Variants in FOXJ3 observed in about 807,000 individuals in gnomAD.
FOXJ3 encodes the protein forkhead box J3.
FOXJ3 carries 22 observed loss-of-function variants against 76.1 expected under a neutral mutation model. That is an observed-to-expected ratio of 0.29 (90% CI 0.21 to 0.41). The LOEUF (loss-of-function observed/expected upper bound fraction) is 0.41. Among genes scored for constraint, FOXJ3 ranks in the 10% least tolerant of loss-of-function variants. The probability of loss-of-function intolerance (pLI) is 1.00; values close to 1 mark genes in which losing one functional copy is unlikely to be tolerated. For missense variants in FOXJ3, 613 were observed against 762.1 expected, an observed-to-expected ratio of 0.80 and a Z score of 2.30; for synonymous variants, 269 against 261.2, an observed-to-expected ratio of 1.03 and a Z score of -0.29.
At chr1:42,211,707 A>G (rs1306638649) in intron 5 of FOXJ3, among the ~76,000 whole-genome samples, 1 of 152,194 alleles carries the variant, frequency 6.6e-6, no homozygotes, top group Non-Finnish European at 1.5e-5. Context: ...TTCCAGCTCC[A>G]CTGGAGATAG....
rs560012121 is a variant in FOXJ3, at chr1:42,190,061, G to A, written c.1352-657C>T. Among the ~76,000 whole-genome samples, 42 of 152,308 alleles carry A rather than the reference G, an allele frequency of 2.8e-4. No individual in the cohort carries two copies. In the East Asian group the frequency reaches 7.3e-3, roughly 27 times the overall value. On this transcript the variant is annotated intron_variant, in intron 9 of 12. Transcript: ENST00000361346. ...GAAATGCTGATGAATCCACGTCAGGGCATTTTTAGTCAGAAATGGTATCCT... is the reference window on the plus strand; with the variant it reads ...GAAATGCTGATGAATCCACGTCAGGACATTTTTAGTCAGAAATGGTATCCT...
rs766315674 is a variant in FOXJ3, at chr1:42,207,867, T to C, written c.529-2004A>G. ...AGAGCAAGGTGAAATAGAAGAGCTA[T>C]AAAAATAACTCTTATTTATGCCTCA... On this transcript the variant is annotated intron_variant, in intron 5 of 12. Transcript: ENST00000361346. Among the ~76,000 whole-genome samples the C allele has an allele frequency of 2.3e-4, 35 of 152,186 alleles. 1 individual carries two copies. The highest frequency in any genetic ancestry group is 4.1e-4 in the Non-Finnish European group (28 of 68,016).
At chr1:42,212,968 A>AAC (rs1646994018) in intron 5 of FOXJ3, among the ~76,000 whole-genome samples, 1 of 143,514 alleles carries the variant, frequency 7.0e-6, no homozygotes, top group Non-Finnish European at 1.5e-5. Flanking sequence ...AAAAAAAAAA[A>AAC]AAACAAAAAA....
In FOXJ3 at chr1:42,287,473, C is replaced by T. The variant is rs117156605; in HGVS notation, c.45-8801G>A. On this transcript the variant is annotated intron_variant, in intron 2 of 12. Coordinates refer to ENST00000361346, the MANE Select transcript of FOXJ3 (RefSeq NM_014947.5). ...ATAATGACTGTAACATATTCTACAA[C>T]AGTAACACTATTTGGGTTCCTTCTT... Among the ~76,000 whole-genome samples the T allele has an allele frequency of 1.1e-3, 161 of 152,302 alleles. 1 individual carries two copies. In the East Asian group the frequency reaches 0.03, roughly 28 times the overall value.
At chr1:42,247,483 A>G (rs1426286787) in intron 4 of FOXJ3, among the ~76,000 whole-genome samples, 1 of 152,186 alleles carries the variant, frequency 6.6e-6, no homozygotes, top group African/African-American at 2.4e-5. Flanking sequence ...CTAAATAAAC[A>G]TTTCTCCAAA....
chr1:42,251,892 T>C (rs1650109775), intron 4 of FOXJ3, among the ~76,000 whole-genome samples: 1 of 151,882 alleles, frequency 6.6e-6, no homozygotes, highest in South Asian at 2.1e-4. Flanking sequence ...CTAATTTTTG[T>C]ATTTTTAGTA....
chr1:42,305,279 G>C (rs979665779), intron 2 of FOXJ3, among the ~76,000 whole-genome samples: 1 of 152,088 alleles, frequency 6.6e-6, no homozygotes, highest in Admixed American at 6.5e-5. Context: ...GGGAACACTG[G>C]ATTTTGTACA....
intron 4 of FOXJ3, among the ~76,000 whole-genome samples, chr1:42,255,832 C>G (rs1557678492): frequency 6.6e-6 from 1 of 152,056 alleles, no homozygotes. Context: ...ACCAGCCTGG[C>G]CAATATAGTG....
chr1:42,200,207 G>GT (rs1646735876), intron 6 of FOXJ3, among the ~76,000 whole-genome samples: 1 of 152,022 alleles, frequency 6.6e-6, no homozygotes, highest in South Asian at 2.1e-4. Flanking sequence ...CATCATGCAC[G>GT]TAAGTCATTA....
At chr1:42,204,421 C>T (rs187813999) in intron 6 of FOXJ3, among the ~76,000 whole-genome samples, 29 of 152,212 alleles carry the variant, frequency 1.9e-4, no homozygotes, top group African/African-American at 7.0e-4. Flanking sequence ...CTTTGACATC[C>T]ACATTATTTG....
intron 4 of FOXJ3, among the ~76,000 whole-genome samples, chr1:42,233,968 C>T (rs941502707): frequency 1.6e-4 from 25 of 152,114 alleles, no homozygotes; most frequent in African/African-American, 5.1e-4. Context: ...AGATATGTAC[C>T]ATCAATACCT....
At chr1:42,192,785 TATCA>T (rs1646576739) in intron 8 of FOXJ3, among the ~76,000 whole-genome samples, 2 of 151,056 alleles carry the variant, frequency 1.3e-5, no homozygotes, top group Middle Eastern at 3.4e-3. Flanking sequence ...CACAAGATAA[TATCA>T]ATCAATAAAA....
chr1:42,228,250 A>G (rs140196678), intron 4 of FOXJ3, among the ~76,000 whole-genome samples: 227 of 152,336 alleles, frequency 1.5e-3, no homozygotes, highest in African/African-American at 5.2e-3. Context: ...CATTTTTTAT[A>G]GTAATTCTCA....
intron 2 of FOXJ3, among the ~76,000 whole-genome samples, chr1:42,291,397 T>C (rs1653429476): frequency 6.6e-6 from 1 of 152,230 alleles, no homozygotes; most frequent in African/African-American, 2.4e-5. Context: ...AACTGGACTT[T>C]ATCAAAATTT....
At chr1:42,262,695 A>G (rs1651140154) in intron 4 of FOXJ3, among the ~76,000 whole-genome samples, 5 of 152,152 alleles carry the variant, frequency 3.3e-5, no homozygotes, top group Admixed American at 6.5e-5. Context: ...CTAAAAATAC[A>G]AAAGTTAGCC....
intron 6 of FOXJ3, among the ~76,000 whole-genome samples, chr1:42,199,911 A>G (rs1366853912): frequency 6.6e-6 from 1 of 151,516 alleles, no homozygotes; most frequent in Non-Finnish European, 1.5e-5. Flanking sequence ...AACAAACAAA[A>G]AAAGGTATTT....
chr1:42,178,639 G>C lies in FOXJ3; in HGVS notation c.*1071C>G, dbSNP rs1448842142. 1 of 152,174 alleles carries C rather than the reference G, an allele frequency of 6.6e-6. No individual in the cohort carries two copies. The highest frequency in any genetic ancestry group is 1.5e-5 in the Non-Finnish European group (1 of 68,050). 9.4% of individuals were successfully genotyped at this position (152,174 alleles called of 1,614,324 possible). ...ATCTCTACTAAAATACAAAAAATCA[G>C]CCAGGCATGGCGGTGTGCACCTGCA... On this transcript the variant is annotated 3_prime_UTR_variant, in exon 13 of 13. Coordinates refer to ENST00000361346, the MANE Select transcript of FOXJ3 (RefSeq NM_014947.5).
intron 1 of FOXJ3, among the ~76,000 whole-genome samples, chr1:42,329,157 G>T (rs1305108375): frequency 1.3e-5 from 2 of 152,130 alleles, no homozygotes; most frequent in Non-Finnish European, 2.9e-5. Flanking sequence ...ACTACAAAAG[G>T]TTACTTAAAA....
intron 4 of FOXJ3, among the ~76,000 whole-genome samples, chr1:42,237,474 A>ATG (rs1178542644): frequency 3.1e-4 from 45 of 144,612 alleles, no homozygotes; most frequent in African/African-American, 1.2e-3. Flanking sequence ...ATACATATAT[A>ATG]TGTATATATA....
Sources: gnomAD v4.1 joint callset for allele counts (sites outside exome capture counted in the v4.1 genomes callset) on GRCh38, gnomAD v4.1.1 for gene constraint, MANE v1.5 for transcripts, NCBI Gene and HGNC (gene_info 2026-07-23, HGNC 2026-07-21) for gene names.